The following AGBL4 variants were observed in gnomAD, a reference collection of about 807,000 sequenced individuals.
AGBL4 encodes the protein cytosolic carboxypeptidase 6.
Under a neutral mutation model 66.4 loss-of-function variants are expected in AGBL4, and 58 were observed. The observed-to-expected ratio is 0.87, with a 90% CI of 0.71 to 1.09. AGBL4 has a LOEUF of 1.09. Ranked by LOEUF, AGBL4 falls within the 50% of genes least tolerant of loss-of-function variation. The pLI is 0.00. For missense variants in AGBL4, 579 were observed against 631.0 expected (o/e 0.92, Z 0.88); for synonymous variants, 234 against 222.9 (o/e 1.05, Z -0.44).
At chr1:49,798,367 C>T (rs1644780255) in intron 2 of AGBL4, among the ~76,000 whole-genome samples, 1 of 152,142 alleles carries the variant, frequency 6.6e-6, no homozygotes, top group African/African-American at 2.4e-5. Flanking sequence ...TGTCAGTTAA[C>T]AGTCATCCTC....
intron 3 of AGBL4, among the ~76,000 whole-genome samples, chr1:49,369,078 T>C (rs556948315): frequency 1.4e-4 from 22 of 152,190 alleles, no homozygotes; most frequent in Middle Eastern, 3.4e-3. Context: ...AGCAAGACTC[T>C]GCCTCAGAAA....
At chr1:48,741,666 C>G (rs1246517782) in intron 6 of AGBL4, among the ~76,000 whole-genome samples, 3 of 152,194 alleles carry the variant, frequency 2.0e-5, no homozygotes, top group Non-Finnish European at 2.9e-5. Context: ...CATATCTGGA[C>G]AAACCCAAAT....
chr1:49,455,821 C>A (rs1646376385), intron 3 of AGBL4, among the ~76,000 whole-genome samples: 1 of 151,798 alleles, frequency 6.6e-6, no homozygotes, highest in South Asian at 2.1e-4. Flanking sequence ...ACACTTACCT[C>A]ACTGTTTTTG....
intron 3 of AGBL4, among the ~76,000 whole-genome samples, chr1:49,591,414 G>T (rs1424741300): frequency 6.6e-6 from 1 of 151,772 alleles, no homozygotes; most frequent in African/African-American, 2.4e-5. Flanking sequence ...ATATAACATT[G>T]AAAATTAAAT....
At position 49,920,431 on chromosome 1, in the gene AGBL4, G is replaced by A. The variant is rs538137098; in HGVS notation, c.35-68913C>T. 2.0e-4 allele frequency among the ~76,000 whole-genome samples: 31 copies of A among 152,216 alleles called. No individual in the cohort carries two copies. In the East Asian group the frequency reaches 6.0e-3, roughly 29 times the overall value. On this transcript the variant is annotated intron_variant, in intron 1 of 13. Transcript: ENST00000371839. Reference sequence around the variant, plus strand: ...CAACCCCATCAAAAAGTGGGCAAAGGATATGAACAGACACTTCTCAAAAGA... The same window carrying A: ...CAACCCCATCAAAAAGTGGGCAAAGAATATGAACAGACACTTCTCAAAAGA...
chr1:49,904,464 C>CA (rs1197953730), intron 1 of AGBL4, among the ~76,000 whole-genome samples: 1 of 152,170 alleles, frequency 6.6e-6, no homozygotes. Flanking sequence ...ACAAAAATAA[C>CA]ATATAAACTG....
At chr1:48,540,366 G>A (rs891376557) in intron 11 of AGBL4, among the ~76,000 whole-genome samples, 6 of 152,154 alleles carry the variant, frequency 3.9e-5, no homozygotes, top group Non-Finnish European at 8.8e-5. Context: ...ACACCTTAAT[G>A]TGAATAAGTA....
chr1:49,739,545 A>C (rs1437550817), intron 2 of AGBL4, among the ~76,000 whole-genome samples: 2 of 152,226 alleles, frequency 1.3e-5, no homozygotes, highest in African/African-American at 2.4e-5. Context: ...GATTCAGGAA[A>C]TACTGAGAAC....
intron 5 of AGBL4, among the ~76,000 whole-genome samples, chr1:48,917,040 T>C (rs926106749): frequency 6.6e-6 from 1 of 151,806 alleles, no homozygotes; most frequent in Non-Finnish European, 1.5e-5. Context: ...AGAAGGAAAA[T>C]GTTAGGAGAT....
intron 3 of AGBL4, among the ~76,000 whole-genome samples, chr1:49,420,758 A>G (rs1419258451): frequency 6.6e-6 from 1 of 151,976 alleles, no homozygotes; most frequent in Non-Finnish European, 1.5e-5. Context: ...TATTATTGCT[A>G]TTGTTACTAT....
At chr1:49,952,235 C>T (rs1220482706) in intron 1 of AGBL4, among the ~76,000 whole-genome samples, 1 of 151,748 alleles carries the variant, frequency 6.6e-6, no homozygotes, top group Non-Finnish European at 1.5e-5. Context: ...TTCCAGAGAC[C>T]ATGCTTTTAA....
intron 5 of AGBL4, among the ~76,000 whole-genome samples, chr1:48,927,441 G>A (rs1431712556): frequency 6.6e-6 from 1 of 152,050 alleles, no homozygotes; most frequent in Non-Finnish European, 1.5e-5. Context: ...CTCTCACCAG[G>A]TCCCTCCCAT....
chr1:49,298,231 T>A (rs1219272809), intron 3 of AGBL4, among the ~76,000 whole-genome samples: 1 of 152,172 alleles, frequency 6.6e-6, no homozygotes, highest in Admixed American at 6.5e-5. Context: ...GGCAGCCTTT[T>A]CTTTAATCCA....
intron 5 of AGBL4, among the ~76,000 whole-genome samples, chr1:48,917,889 T>C (rs752677142): frequency 6.6e-6 from 1 of 152,174 alleles, no homozygotes; most frequent in Non-Finnish European, 1.5e-5. Flanking sequence ...ATTAAAAGGA[T>C]AGAGGAAGAG....
At chr1:49,873,475 G>A (rs981439163) in intron 1 of AGBL4, among the ~76,000 whole-genome samples, 4 of 151,956 alleles carry the variant, frequency 2.6e-5, no homozygotes, top group Non-Finnish European at 5.9e-5. Context: ...GCTGAAAACC[G>A]AGTCATGCAA....
intron 5 of AGBL4, among the ~76,000 whole-genome samples, chr1:48,970,096 G>C (rs940043042): frequency 6.6e-6 from 1 of 152,144 alleles, no homozygotes; most frequent in African/African-American, 2.4e-5. Flanking sequence ...CAGGTAGTGT[G>C]ACTCCATATC....
At chr1:49,155,945 A>G (rs1191896681) in intron 4 of AGBL4, among the ~76,000 whole-genome samples, 1 of 152,158 alleles carries the variant, frequency 6.6e-6, no homozygotes, top group African/African-American at 2.4e-5. Flanking sequence ...TGCCTCTATT[A>G]TCTATGATGA....
chr1:48,591,709 A>G (rs960327558), intron 9 of AGBL4, among the ~76,000 whole-genome samples: 7 of 152,250 alleles, frequency 4.6e-5, no homozygotes, highest in Non-Finnish European at 1.0e-4. Context: ...GCCTTGTGTC[A>G]TGATGCCAGG....
chr1:49,665,646 A>C (rs1461402983), intron 3 of AGBL4, among the ~76,000 whole-genome samples: 1 of 152,146 alleles, frequency 6.6e-6, no homozygotes, highest in African/African-American at 2.4e-5. Flanking sequence ...CCATGCAAAA[A>C]AAGTTCTCAA....
Sources: allele counts gnomAD v4.1 joint callset (sites outside exome capture counted in the v4.1 genomes callset), GRCh38; gene constraint gnomAD v4.1.1; transcripts MANE v1.5; gene names NCBI Gene and HGNC (gene_info 2026-07-23, HGNC 2026-07-21).